LARGE1: variants seen among roughly 807,000 people sequenced by gnomAD.
LARGE1 encodes LARGE xylosyl- and glucuronyltransferase 1.
Under a neutral mutation model 87.6 loss-of-function variants are expected in LARGE1, and 43 were observed. The ratio of observed to expected loss-of-function variants is 0.49; its 90% CI spans 0.38 to 0.63. The LOEUF is 0.63. Ranked by LOEUF, LARGE1 falls within the 30% of genes least tolerant of loss-of-function variation. The pLI, the probability that LARGE1 is intolerant of heterozygous loss-of-function variation, is 0.00. For missense variants in LARGE1, 802 were observed against 1,000.2 expected (o/e 0.80, Z 2.67); for synonymous variants, 434 against 394.6 (o/e 1.10, Z -1.18).
chr22:33,708,241 C>T lies in LARGE1; in HGVS notation c.106+53130G>A, dbSNP rs369593121. On this transcript the variant is annotated intron_variant, in intron 2 of 14. Coordinates refer to ENST00000397394, the MANE Select transcript of LARGE1 (RefSeq NM_133642.5). ...GTTAGGAGTTGCTGATATGGAGCTG[C>T]TATTGGAGGGAGGGAGGGAGGGAAA... Among the ~76,000 whole-genome samples, 2 of 147,716 alleles carry T rather than the reference C, an allele frequency of 1.4e-5. 1 individual carries two copies. Among genetic ancestry groups the T allele is most frequent in the East Asian group, 4.2e-4 (2 of 4,710 alleles).
intron 1 of LARGE1, among the ~76,000 whole-genome samples, chr22:33,794,511 C>T (rs989254054): frequency 3.9e-5 from 6 of 152,234 alleles, no homozygotes; most frequent in African/African-American, 1.4e-4. Context: ...GTTCCAACCC[C>T]AGTCTATCCT....
intron 1 of LARGE1, among the ~76,000 whole-genome samples, chr22:33,878,322 T>C (rs1013772601): frequency 2.0e-5 from 3 of 151,584 alleles, no homozygotes; most frequent in African/African-American, 7.3e-5. Context: ...ATTTTTAGTA[T>C]ACAAATACAT....
chr22:33,166,054 T>C (rs1244146862), exon 12 of LARGE1: 2 of 152,202 alleles, frequency 1.3e-5, no homozygotes, highest in East Asian at 3.8e-4. Flanking sequence ...CCTGGGAAAA[T>C]GATGCTTATG....
At chr22:33,702,036 G>C (rs192487358) in intron 2 of LARGE1, among the ~76,000 whole-genome samples, 1 of 152,190 alleles carries the variant, frequency 6.6e-6, no homozygotes, top group South Asian at 2.1e-4. Flanking sequence ...CTTCTCATCT[G>C]CAAGAGCCGG....
intron 2 of LARGE1, among the ~76,000 whole-genome samples, chr22:33,706,876 T>C (rs2082579274): frequency 6.6e-6 from 1 of 152,212 alleles, no homozygotes; most frequent in Non-Finnish European, 1.5e-5. Context: ...ATGGACACCC[T>C]GACTTTAGTC....
At chr22:33,511,615 C>T (rs1182441514) in intron 6 of LARGE1, among the ~76,000 whole-genome samples, 1 of 152,134 alleles carries the variant, frequency 6.6e-6, no homozygotes, top group Non-Finnish European at 1.5e-5. Flanking sequence ...GGATGGAGAG[C>T]TTTACCCTGG....
chr22:33,120,995 AAC>A, the LARGE1 span, among the ~76,000 whole-genome samples: 2 of 151,944 alleles, frequency 1.3e-5, no homozygotes, highest in Non-Finnish European at 2.9e-5. Flanking sequence ...GAAGTCTGGC[AAC>A]AGAGTAGCAG....
chr22:33,808,252 A>T (rs5749669), intron 1 of LARGE1, among the ~76,000 whole-genome samples: 114,092 of 152,252 alleles, frequency 0.75, 43,129 homozygotes, highest in South Asian at 0.88. Context: ...CCTGATGACA[A>T]ACGACATGGA....
At chr22:33,352,214 C>T (rs953149653) in intron 9 of LARGE1, among the ~76,000 whole-genome samples, 3 of 152,076 alleles carry the variant, frequency 2.0e-5, no homozygotes, top group East Asian at 1.9e-4. Context: ...TCAGTCTAAT[C>T]GTGAGAAAGT....
At chr22:33,904,575 C>T (rs900790578) in intron 1 of LARGE1, among the ~76,000 whole-genome samples, 1 of 152,164 alleles carries the variant, frequency 6.6e-6, no homozygotes, top group African/African-American at 2.4e-5. Flanking sequence ...TGCCTGAGAA[C>T]CAAGCCAATA....
chr22:33,161,433 C>T (rs548413551), downstream of LARGE1, among the ~76,000 whole-genome samples: 111 of 152,270 alleles, frequency 7.3e-4, 1 homozygote, highest in Admixed American at 3.3e-3. Flanking sequence ...CAATAAAAGT[C>T]CAAGTCCAAA....
intron 1 of LARGE1, among the ~76,000 whole-genome samples, chr22:33,845,556 C>T (rs1276990778): frequency 6.6e-6 from 1 of 152,146 alleles, no homozygotes; most frequent in Non-Finnish European, 1.5e-5. Context: ...CATCTACCCG[C>T]CTCAGCCTCC....
intron 6 of LARGE1, among the ~76,000 whole-genome samples, chr22:33,556,930 C>T (rs570313386): frequency 3.3e-3 from 501 of 152,060 alleles, no homozygotes; most frequent in Non-Finnish European, 4.3e-3. Context: ...CACTTGAACC[C>T]GGGAGGCAGA....
chr22:33,193,743 G>A (rs1923914459), intron 11 of LARGE1, among the ~76,000 whole-genome samples: 2 of 151,824 alleles, frequency 1.3e-5, no homozygotes, highest in African/African-American at 4.8e-5. Context: ...GCTTGAACCC[G>A]GAAGGCAGAG....
intron 9 of LARGE1, among the ~76,000 whole-genome samples, chr22:33,338,938 A>C (rs754954866): frequency 1.1e-4 from 17 of 152,168 alleles, no homozygotes; most frequent in Non-Finnish European, 1.6e-4. Context: ...ACCTGAGGTC[A>C]GGAGTTCAAG....
intron 1 of LARGE1, among the ~76,000 whole-genome samples, chr22:33,882,065 C>A (rs1303521117): frequency 3.7e-5 from 5 of 136,152 alleles, no homozygotes; most frequent in African/African-American, 8.8e-5. Context: ...TTTTTTGAGA[C>A]GGAGTCTCGC....
In LARGE1 at chr22:33,410,704, T is replaced by C. The variant is rs184340793; in HGVS notation, c.892+21457A>G. Reference sequence around the variant, plus strand: ...TTATAGCAGTGTGAGAATGGACTCATATACTGCTCTACCAACCACTCTCAA... The same window carrying C: ...TTATAGCAGTGTGAGAATGGACTCACATACTGCTCTACCAACCACTCTCAA... On this transcript the variant is annotated intron_variant, in intron 7 of 14. Transcript: ENST00000397394. 5.9e-5 allele frequency among the ~76,000 whole-genome samples: 9 copies of C among 152,154 alleles called. No homozygotes were observed. The East Asian group carries it at 1.7e-3, about 30-fold the overall frequency.
chr22:33,611,460 G>A (rs1180442293), intron 4 of LARGE1, among the ~76,000 whole-genome samples: 8 of 152,192 alleles, frequency 5.3e-5, no homozygotes, highest in Non-Finnish European at 4.4e-5. Flanking sequence ...ACTTGTGTGG[G>A]GGCCTGTAGC....
At chr22:33,202,936 T>C (rs1044888791) in intron 11 of LARGE1, among the ~76,000 whole-genome samples, 1 of 152,216 alleles carries the variant, frequency 6.6e-6, no homozygotes, top group Admixed American at 6.5e-5. Flanking sequence ...GCTAAGTTCT[T>C]GTCCACCCTT....
Sources: gnomAD v4.1 joint callset for allele counts (sites outside exome capture counted in the v4.1 genomes callset) on GRCh38, gnomAD v4.1.1 for gene constraint, MANE v1.5 for transcripts, NCBI Gene and HGNC (gene_info 2026-07-23, HGNC 2026-07-21) for gene names.